WWOX: variants seen among roughly 807,000 people sequenced by gnomAD.
WWOX encodes WW domain-containing oxidoreductase.
A neutral mutation model predicts 46.2 loss-of-function variants in WWOX; 69 were observed. That is an observed-to-expected ratio of 1.49 (90% CI 1.23 to 1.82). WWOX has a LOEUF of 1.82. Among genes scored for constraint, WWOX ranks in the 40% most tolerant of loss-of-function variants. The pLI, the probability that WWOX is intolerant of heterozygous loss-of-function variation, is 0.00. For synonymous variants in WWOX, 359 were observed against 202.6 expected, an observed-to-expected ratio of 1.77 and a Z score of -6.56; for missense variants, 919 against 542.6, an observed-to-expected ratio of 1.69 and a Z score of -6.89.
intron 8 of WWOX, among the ~76,000 whole-genome samples, chr16:79,082,380 A>G (rs956532974): frequency 8.5e-5 from 13 of 152,126 alleles, no homozygotes; most frequent in African/African-American, 3.1e-4. Context: ...TACCAACTGC[A>G]TGGATTTGTT....
intron 6 of WWOX, among the ~76,000 whole-genome samples, chr16:78,419,779 G>C (rs748984378): frequency 6.6e-6 from 1 of 151,606 alleles, no homozygotes; most frequent in Non-Finnish European, 1.5e-5. Context: ...AGTGACAAAA[G>C]AAAAAAAGAT....
rs1330915138 is a variant in WWOX, at chr16:78,506,728, T to TTTTTTTTTTTTTTTTG, written c.1056+73976_1056+73977insTTTTTTTTTTTTTTTG. ...TTTTTTTTTTTTTTTTTTTTTTTTT[T>TTTTTTTTTTTTTTTTG]GTACAGAGTCTTGCTCTGTTGTCCA... On this transcript the variant is annotated intron_variant, in intron 8 of 8. Coordinates refer to ENST00000566780, the MANE Select transcript of WWOX (RefSeq NM_016373.4). 1.3e-4 allele frequency among the ~76,000 whole-genome samples: 12 copies of TTTTTTTTTTTTTTTTG among 93,634 alleles called. 2 individuals carry two copies. The highest frequency in any genetic ancestry group is 3.3e-4 in the South Asian group (1 of 2,992). The allele number at this position is 93,634 out of a possible 152,430, so 61.4% of individuals were successfully genotyped here.
chr16:78,218,865 G>C lies in WWOX; in HGVS notation c.516+54576G>C, dbSNP rs111643681. On this transcript the variant is annotated intron_variant, in intron 5 of 8. Transcript: ENST00000566780. ...TTTTGAGTCTAATTGTTTTTAAACT[G>C]CCACTTTTGTTTGTTAAAGATACAG... 6.1e-4 allele frequency among the ~76,000 whole-genome samples: 93 copies of C among 152,340 alleles called. 1 individual carries two copies. Among genetic ancestry groups the C allele is most frequent in the Admixed American group, 2.0e-3 (31 of 15,298 alleles).
intron 8 of WWOX, among the ~76,000 whole-genome samples, chr16:78,616,898 T>G (rs899054427): frequency 6.6e-6 from 1 of 152,134 alleles, no homozygotes; most frequent in East Asian, 1.9e-4. Context: ...TTTCAACATA[T>G]AAATTTTGGG....
chr16:78,164,150 G>A, intron 4 of WWOX, 33 bp from the exon 5 acceptor site: 1 of 1,594,698 alleles, frequency 6.3e-7, no homozygotes, highest in Non-Finnish European at 8.6e-7. Flanking sequence ...TTGATGTTAT[G>A]TTTTCTAACA....
intron 8 of WWOX, among the ~76,000 whole-genome samples, chr16:78,912,382 C>T (rs371664141): frequency 3.9e-5 from 6 of 151,908 alleles, no homozygotes; most frequent in South Asian, 4.1e-4. Flanking sequence ...TTGCACATGA[C>T]AAATCTGAGG....
At chr16:79,204,773 T>A (rs2051453614) in intron 8 of WWOX, 1 of 152,322 alleles carries the variant, frequency 6.6e-6, no homozygotes, top group Non-Finnish European at 1.5e-5. Context: ...TGGTTGGGAC[T>A]GGCTGCCTAT....
chr16:78,203,434 A>G (rs1365623226), intron 5 of WWOX, among the ~76,000 whole-genome samples: 3 of 152,194 alleles, frequency 2.0e-5, no homozygotes, highest in Non-Finnish European at 2.9e-5. Context: ...TGTATAATAA[A>G]TATTTTGAGT....
chr16:78,570,902 C>T (rs2044700372), intron 8 of WWOX, among the ~76,000 whole-genome samples: 1 of 152,130 alleles, frequency 6.6e-6, no homozygotes, highest in South Asian at 2.1e-4. Flanking sequence ...TGAGAAGGAG[C>T]TGGCAGTGTG....
chr16:78,506,119 G>T (rs1304605439), intron 8 of WWOX, among the ~76,000 whole-genome samples: 1 of 151,680 alleles, frequency 6.6e-6, no homozygotes, highest in African/African-American at 2.4e-5. Flanking sequence ...AGAAGGGGAG[G>T]ACAGGCTTCG....
At chr16:78,205,241 C>G (rs2036354406) in intron 5 of WWOX, among the ~76,000 whole-genome samples, 1 of 151,944 alleles carries the variant, frequency 6.6e-6, no homozygotes, top group African/African-American at 2.4e-5. Context: ...GGAAGAGTTG[C>G]AAGTAGAATT....
intron 8 of WWOX, among the ~76,000 whole-genome samples, chr16:79,112,255 C>G (rs926949629): frequency 1.3e-5 from 2 of 152,182 alleles, no homozygotes; most frequent in African/African-American, 4.8e-5. Flanking sequence ...AAAGGGCTGT[C>G]CACTTGACGG....
chr16:78,661,926 C>A (rs1264687826), intron 8 of WWOX, among the ~76,000 whole-genome samples: 1 of 152,146 alleles, frequency 6.6e-6, no homozygotes, highest in Non-Finnish European at 1.5e-5. Context: ...CATCTGTGGT[C>A]TGAGCTACTC....
At chr16:78,190,924 G>T (rs2035864311) in intron 5 of WWOX, among the ~76,000 whole-genome samples, 1 of 151,984 alleles carries the variant, frequency 6.6e-6, no homozygotes, top group Non-Finnish European at 1.5e-5. Flanking sequence ...TGGGACCCAG[G>T]GTATCAGTCA....
chr16:78,584,947 GT>G (rs1334843418), intron 8 of WWOX, among the ~76,000 whole-genome samples: 4 of 152,212 alleles, frequency 2.6e-5, no homozygotes, highest in Middle Eastern at 3.2e-3. Flanking sequence ...CACACAGTGG[GT>G]TTTCCCAACA....
At position 78,784,478 on chromosome 16, in the gene WWOX, T is replaced by A. The variant is rs1361119833; in HGVS notation, c.1056+351726T>A. Among the ~76,000 whole-genome samples the A allele has an allele frequency of 3.9e-5, 6 of 152,012 alleles. No homozygotes were observed. The East Asian group carries it at 1.2e-3, about 29-fold the overall frequency. ...CATTAGGGATTATTAATATACTAGA[T>A]AAGAGTACAGTCTCTGGAGCTAGGC... On this transcript the variant is annotated intron_variant, in intron 8 of 8. Coordinates refer to ENST00000566780, the MANE Select transcript of WWOX (RefSeq NM_016373.4).
rs373917421 is a variant in WWOX at position 79,053,377 on chromosome 16, A to G, written c.1057-158231A>G. Among the ~76,000 whole-genome samples, 10 of 152,324 alleles carry G rather than the reference A, an allele frequency of 6.6e-5. No individual in the cohort carries two copies. In the South Asian group the frequency reaches 1.0e-3, roughly 16 times the overall value. On this transcript the variant is annotated intron_variant, in intron 8 of 8. Transcript: ENST00000566780. ...TGGCCCTGCTTCTTAGTGCGCACGT[A>G]AAGAAACAATCCTGGAGTGAATTTT... is the stretch of plus-strand genomic sequence containing the variant.
At chr16:78,230,672 C>T (rs1334826374) in intron 5 of WWOX, among the ~76,000 whole-genome samples, 1 of 152,186 alleles carries the variant, frequency 6.6e-6, no homozygotes, top group Non-Finnish European at 1.5e-5. Flanking sequence ...GTTGTTTTCT[C>T]CTGCTAGGAA....
intron 8 of WWOX, among the ~76,000 whole-genome samples, chr16:78,871,872 G>A (rs1273788074): frequency 2.3e-4 from 35 of 152,146 alleles, no homozygotes; most frequent in Admixed American, 2.2e-3. Flanking sequence ...CAAAGCGCTG[G>A]GATTACAGGT....
Sources: gnomAD v4.1 joint callset for allele counts (sites outside exome capture counted in the v4.1 genomes callset) on GRCh38, gnomAD v4.1.1 for gene constraint, MANE v1.5 for transcripts, NCBI Gene and HGNC (gene_info 2026-07-23, HGNC 2026-07-21) for gene names.